CSMD1: variants seen among roughly 807,000 people sequenced by gnomAD.
CSMD1 encodes CUB and Sushi multiple domains 1.
A neutral mutation model predicts 417.5 loss-of-function variants in CSMD1; 213 were observed. The ratio of observed to expected loss-of-function variants is 0.51; its 90% CI spans 0.46 to 0.57. CSMD1 has a LOEUF of 0.57. Ranked by LOEUF, CSMD1 falls within the 20% of genes least tolerant of loss-of-function variation. The pLI, the probability that CSMD1 is intolerant of heterozygous loss-of-function variation, is 0.00. For synonymous variants in CSMD1, 2,862 were observed against 1,736.8 expected (o/e 1.65, Z -16.11); for missense variants, 6,923 against 4,529.7 (o/e 1.53, Z -15.17).
At chr8:4,712,034 A>T (rs888494757) in intron 1 of CSMD1, among the ~76,000 whole-genome samples, 1 of 152,152 alleles carries the variant, frequency 6.6e-6, no homozygotes, top group African/African-American at 2.4e-5. Context: ...TCTAGAAGAG[A>T]TTTTCTCAGG....
At chr8:3,695,087 C>CGTGTGTGTGTGTGTGTGTGTGTGTGTGT (rs1276176981) in intron 7 of CSMD1, among the ~76,000 whole-genome samples, 15 of 145,596 alleles carry the variant, frequency 1.0e-4, no homozygotes, top group Non-Finnish European at 1.5e-4. Context: ...GGAGGCCCTG[C>CGTGTGTGTGTGTGTGTGTGTGTGTGTGT]GTGTGTGTGT....
chr8:3,665,400 G>A (rs1295566407), intron 7 of CSMD1, among the ~76,000 whole-genome samples: 2 of 152,042 alleles, frequency 1.3e-5, no homozygotes, highest in East Asian at 1.9e-4. Flanking sequence ...GTGGTGGCAT[G>A]CACCAGTAAT....
At chr8:3,862,071 C>G (rs1804750627) in intron 5 of CSMD1, among the ~76,000 whole-genome samples, 1 of 152,184 alleles carries the variant, frequency 6.6e-6, no homozygotes, top group African/African-American at 2.4e-5. Flanking sequence ...TCCCATGTGC[C>G]TTTCTTTTTG....
chr8:4,548,059 T>C (rs1029498928), intron 2 of CSMD1, among the ~76,000 whole-genome samples: 4 of 152,164 alleles, frequency 2.6e-5, no homozygotes, highest in African/African-American at 9.7e-5. Context: ...TGCAATATAT[T>C]AAATAAAAGG....
chr8:3,941,393 CAA>C (rs1325898547), intron 5 of CSMD1, among the ~76,000 whole-genome samples: 1 of 151,996 alleles, frequency 6.6e-6, no homozygotes, highest in Non-Finnish European at 1.5e-5. Flanking sequence ...TTTGATTTCT[CAA>C]AAGTTTAAAA....
At chr8:4,978,313 G>T (rs904533084) in intron 1 of CSMD1, among the ~76,000 whole-genome samples, 1 of 152,108 alleles carries the variant, frequency 6.6e-6, no homozygotes, top group African/African-American at 2.4e-5. Context: ...CCTCTAATTT[G>T]AGTCAGGACA....
intron 3 of CSMD1, among the ~76,000 whole-genome samples, chr8:4,354,144 T>C (rs1325173403): frequency 6.6e-6 from 1 of 152,148 alleles, no homozygotes; most frequent in African/African-American, 2.4e-5. Context: ...ATTTTAAAAA[T>C]TTAAATGTAA....
intron 7 of CSMD1, among the ~76,000 whole-genome samples, chr8:3,645,318 G>A (rs769408295): frequency 2.6e-5 from 4 of 152,208 alleles, no homozygotes; most frequent in Non-Finnish European, 5.9e-5. Flanking sequence ...CCCAGCAGCT[G>A]CAATTAAAAC....
intron 1 of CSMD1, among the ~76,000 whole-genome samples, chr8:4,927,734 A>G (rs1726549092): frequency 6.6e-6 from 1 of 152,192 alleles, no homozygotes; most frequent in African/African-American, 2.4e-5. Flanking sequence ...GCAAGTTAAC[A>G]TAAATAGGAC....
intron 1 of CSMD1, among the ~76,000 whole-genome samples, chr8:4,843,524 T>C (rs935542175): frequency 1.3e-5 from 2 of 152,170 alleles, no homozygotes; most frequent in African/African-American, 2.4e-5. Flanking sequence ...CCCCTATTTC[T>C]GCACCTCCAA....
chr8:3,834,267 T>A (rs1802542070), intron 5 of CSMD1, among the ~76,000 whole-genome samples: 1 of 152,190 alleles, frequency 6.6e-6, no homozygotes, highest in Admixed American at 6.5e-5. Flanking sequence ...CTCATCTGTA[T>A]CTAGGGCTCT....
chr8:4,429,537 G>T (rs1797753021), intron 2 of CSMD1, among the ~76,000 whole-genome samples: 1 of 152,156 alleles, frequency 6.6e-6, no homozygotes. Flanking sequence ...TCAGAAAATT[G>T]CAAAAGCGTG....
intron 5 of CSMD1, among the ~76,000 whole-genome samples, chr8:3,862,969 C>G (rs1391833508): frequency 1.3e-5 from 2 of 152,114 alleles, no homozygotes; most frequent in African/African-American, 4.8e-5. Flanking sequence ...ATTCTGGAGT[C>G]TGGAGATTCC....
chr8:3,499,720 T>A (rs925912029), intron 10 of CSMD1, among the ~76,000 whole-genome samples: 5 of 151,976 alleles, frequency 3.3e-5, no homozygotes, highest in African/African-American at 1.2e-4. Flanking sequence ...AGTGCTGGGT[T>A]CAGGTTTGTG....
At chr8:3,410,288 CTG>C (rs1812603107) in intron 12 of CSMD1, among the ~76,000 whole-genome samples, 1 of 152,200 alleles carries the variant, frequency 6.6e-6, no homozygotes, top group African/African-American at 2.4e-5. Context: ...TTGAGAGCCA[CTG>C]TGTGTCAGGT....
intron 2 of CSMD1, among the ~76,000 whole-genome samples, chr8:4,452,898 G>C (rs79691720): frequency 6.6e-6 from 1 of 152,058 alleles, no homozygotes; most frequent in Non-Finnish European, 1.5e-5. Context: ...CAGTAGAGAA[G>C]CAACGATGGG....
intron 5 of CSMD1, among the ~76,000 whole-genome samples, chr8:3,952,739 T>G (rs1393338623): frequency 6.6e-6 from 1 of 152,210 alleles, no homozygotes; most frequent in Non-Finnish European, 1.5e-5. Context: ...TTAAAATGGC[T>G]TATTGTATGT....
intron 7 of CSMD1, among the ~76,000 whole-genome samples, chr8:3,681,307 A>T (rs566300777): frequency 1.3e-5 from 2 of 152,318 alleles, no homozygotes; most frequent in South Asian, 4.1e-4. Flanking sequence ...CTCAGCACAA[A>T]ATCTCCTTAA....
intron 1 of CSMD1, among the ~76,000 whole-genome samples, chr8:4,730,016 C>T (rs1342664838): frequency 1.3e-5 from 2 of 151,994 alleles, no homozygotes; most frequent in Non-Finnish European, 2.9e-5. Flanking sequence ...TGATTCAGAG[C>T]ACACCTGCTC....
Sources: gnomAD v4.1 joint callset for allele counts (sites outside exome capture counted in the v4.1 genomes callset) on GRCh38, gnomAD v4.1.1 for gene constraint, MANE v1.5 for transcripts, NCBI Gene and HGNC (gene_info 2026-07-23, HGNC 2026-07-21) for gene names.